Variants in PRKCE observed in about 807,000 individuals in gnomAD.
PRKCE encodes the protein protein kinase C epsilon.
PRKCE carries 16 observed loss-of-function variants against 85.4 expected under a neutral mutation model. That is an observed-to-expected ratio of 0.19 (90% confidence interval 0.13 to 0.28). PRKCE has a LOEUF of 0.28. PRKCE is among the 10% of genes least tolerant of loss of function. PRKCE has a pLI of 1.00. For synonymous variants in PRKCE, 388 were observed against 371.5 expected (o/e 1.04, Z -0.51); for missense variants, 573 against 975.2 (o/e 0.59, Z 5.49).
At chr2:45,898,081 C>G (rs1192712627) in intron 2 of PRKCE, among the ~76,000 whole-genome samples, 2 of 152,176 alleles carry the variant, frequency 1.3e-5, no homozygotes, top group African/African-American at 4.8e-5. Context: ...TTTGCAGGCC[C>G]CTCGTGATAG....
chr2:46,124,072 C>G (rs1227178134), intron 11 of PRKCE, among the ~76,000 whole-genome samples: 1 of 152,034 alleles, frequency 6.6e-6, no homozygotes, highest in African/African-American at 2.4e-5. Context: ...CACCTGTAAT[C>G]TCAGCACTTT....
intron 5 of PRKCE, among the ~76,000 whole-genome samples, chr2:45,982,771 A>G (rs147700996): frequency 9.1e-4 from 138 of 152,088 alleles, no homozygotes; most frequent in African/African-American, 3.1e-3. Flanking sequence ...GTTCTCTGAT[A>G]CCTTAGAGTT....
At chr2:46,161,506 A>G (rs1466803469) in intron 14 of PRKCE, among the ~76,000 whole-genome samples, 1 of 152,110 alleles carries the variant, frequency 6.6e-6, no homozygotes, top group African/African-American at 2.4e-5. Flanking sequence ...GCAAAACCAC[A>G]TTAAACCAGG....
chr2:46,117,336 G>A (rs1342523429), intron 11 of PRKCE, among the ~76,000 whole-genome samples: 1 of 152,158 alleles, frequency 6.6e-6, no homozygotes, highest in African/African-American at 2.4e-5. Flanking sequence ...TGACTACATA[G>A]TCTCTTTTGT....
At chr2:45,717,678 C>T (rs1680253484) in intron 1 of PRKCE, among the ~76,000 whole-genome samples, 1 of 152,196 alleles carries the variant, frequency 6.6e-6, no homozygotes, top group African/African-American at 2.4e-5. Flanking sequence ...TAGTAGTCTG[C>T]AAGGGATGTC....
chr2:45,811,899 C>T (rs924833292), intron 1 of PRKCE, among the ~76,000 whole-genome samples: 2 of 152,002 alleles, frequency 1.3e-5, no homozygotes, highest in Non-Finnish European at 2.9e-5. Flanking sequence ...ATGTTTATAC[C>T]TCCATGCGTA....
chr2:45,979,714 C>T (rs896088924), intron 4 of PRKCE, among the ~76,000 whole-genome samples: 9 of 152,180 alleles, frequency 5.9e-5, no homozygotes, highest in Non-Finnish European at 7.3e-5. Flanking sequence ...TGGGGTAACA[C>T]GCACACAGTT....
intron 10 of PRKCE, among the ~76,000 whole-genome samples, chr2:46,074,429 C>A (rs1191987648): frequency 1.9e-3 from 181 of 93,740 alleles, no homozygotes; most frequent in Middle Eastern, 0.012. Context: ...CAACAACAAC[C>A]AAAAAAAAAA....
intron 13 of PRKCE, among the ~76,000 whole-genome samples, chr2:46,157,630 G>T (rs937016612): frequency 6.6e-6 from 1 of 152,198 alleles, no homozygotes; most frequent in African/African-American, 2.4e-5. Flanking sequence ...TAACCAGTTC[G>T]TGAGGGTGAG....
At chr2:45,653,376 T>TTTTTTG (rs1421974123) in intron 1 of PRKCE, among the ~76,000 whole-genome samples, 2 of 120,270 alleles carry the variant, frequency 1.7e-5, no homozygotes, top group East Asian at 4.2e-4. Context: ...GGTTGTTTTT[T>TTTTTTG]TTTTTTTTTT....
chr2:45,693,109 G>A (rs1182675735), intron 1 of PRKCE, among the ~76,000 whole-genome samples: 1 of 152,094 alleles, frequency 6.6e-6, no homozygotes, highest in African/African-American at 2.4e-5. Flanking sequence ...CCTGAGGAGT[G>A]CGGGGTAGGG....
chr2:45,969,929 G>A (rs2253506), intron 2 of PRKCE, among the ~76,000 whole-genome samples: 124,799 of 152,046 alleles, frequency 0.82, 51,785 homozygotes, highest in East Asian at 0.97. Flanking sequence ...GTTGTAATGT[G>A]ATTCATCAGA....
At chr2:45,883,051 G>A (rs908165662) in intron 2 of PRKCE, among the ~76,000 whole-genome samples, 1 of 151,220 alleles carries the variant, frequency 6.6e-6, no homozygotes, top group Admixed American at 6.5e-5. Flanking sequence ...TTAAATTTTA[G>A]TTGGGTAAAA....
intron 7 of PRKCE, among the ~76,000 whole-genome samples, chr2:46,003,783 G>A (rs1704919660): frequency 6.6e-6 from 1 of 152,202 alleles, no homozygotes; most frequent in South Asian, 2.1e-4. Flanking sequence ...AGAATTAAAA[G>A]TGAACAAACT....
At chr2:46,178,041 C>A (rs988337910) in intron 14 of PRKCE, among the ~76,000 whole-genome samples, 5 of 152,172 alleles carry the variant, frequency 3.3e-5, no homozygotes, top group Admixed American at 1.3e-4. Flanking sequence ...AGGTGGGTCA[C>A]CAGAGGTCAG....
At chr2:46,067,952 G>A (rs747476796) in intron 10 of PRKCE, among the ~76,000 whole-genome samples, 1 of 152,168 alleles carries the variant, frequency 6.6e-6, no homozygotes, top group Non-Finnish European at 1.5e-5. Flanking sequence ...TATTGCAAGA[G>A]AATGCACATT....
At chr2:46,043,104 G>GT (rs68116207) in intron 10 of PRKCE, among the ~76,000 whole-genome samples, 50,257 of 149,812 alleles carry the variant, frequency 0.34, 8,670 homozygotes, top group Non-Finnish European at 0.37. Flanking sequence ...CAGAAAAACA[G>GT]TTTTTTTTTT....
chr2:45,689,359 G>A (rs369469618), intron 1 of PRKCE, among the ~76,000 whole-genome samples: 5 of 152,232 alleles, frequency 3.3e-5, no homozygotes, highest in South Asian at 4.2e-4. Flanking sequence ...AGAAAGAACT[G>A]AACTGAACTG....
Position 46,139,841 on chromosome 2 carries a change from T to C in PRKCE, c.1593-5252T>C, listed in dbSNP as rs192028751. Among the ~76,000 whole-genome samples, 2 of 152,178 alleles carry C rather than the reference T, an allele frequency of 1.3e-5. No individual in the cohort carries two copies. Among genetic ancestry groups the C allele is most frequent in the East Asian group, 3.9e-4 (2 of 5,182 alleles). ...TCTGATTGCCTAGAACCTAGTCACA[T>C]AACTACACCCTGCTCCAAGGGCAGC... is the stretch of plus-strand genomic sequence containing the variant. On this transcript the variant is annotated intron_variant, in intron 11 of 14. Coordinates refer to ENST00000306156, the MANE Select transcript of PRKCE (RefSeq NM_005400.3). This position sits in a 1 kb window ranked among gnomAD's most constrained non-coding sequence, Gnocchi z 5.2.
Sources: allele counts gnomAD v4.1 joint callset (sites outside exome capture counted in the v4.1 genomes callset), GRCh38; gene constraint gnomAD v4.1.1; non-coding constraint Gnocchi (gnomAD v3.1); transcripts MANE v1.5; gene names NCBI Gene and HGNC (gene_info 2026-07-23, HGNC 2026-07-21).